The following CELF1 variants were observed in gnomAD, a reference collection of about 807,000 sequenced individuals.
The protein encoded by CELF1 is 50 kDa nuclear polyadenylated RNA-binding protein.
CELF1 carries 10 observed loss-of-function variants against 61.8 expected under a neutral mutation model. The ratio of observed to expected loss-of-function variants is 0.16; its 90% CI spans 0.10 to 0.27. CELF1 has a LOEUF of 0.27. CELF1 is among the 10% of genes least tolerant of loss of function. The pLI is 1.00. For synonymous variants in CELF1, 236 were observed against 225.1 expected (o/e 1.05, Z -0.43); for missense variants, 380 against 639.1 (o/e 0.59, Z 4.37).
chr11:47,487,148 A>G lies in CELF1; in HGVS notation c.342+11T>C. 2 of 1,597,816 alleles carry G rather than the reference A, an allele frequency of 1.3e-6. No individual in the cohort carries two copies. The highest frequency in any genetic ancestry group is 1.7e-6 in the Non-Finnish European group (2 of 1,168,824). ...TACCACATTTCCATTTACTAGTGGGAGCTTTCTTACCCCTGGGAGGACTTT... is the reference window on the plus strand; with the variant it reads ...TACCACATTTCCATTTACTAGTGGGGGCTTTCTTACCCCTGGGAGGACTTT... On this transcript the variant is annotated intron_variant, in intron 5 of 14. Transcript: ENST00000687097.
chr11:47,479,542 C>A (rs1437429841), intron 9 of CELF1, among the ~76,000 whole-genome samples: 4 of 152,234 alleles, frequency 2.6e-5, no homozygotes, highest in African/African-American at 4.8e-5. Flanking sequence ...CCCCTCCAAA[C>A]TGGTCTTCCC....
chr11:47,520,919 C>CA (rs1266954382), intron 1 of CELF1, among the ~76,000 whole-genome samples: 1 of 152,150 alleles, frequency 6.6e-6, no homozygotes, highest in Non-Finnish European at 1.5e-5. Context: ...AGATGTTTCA[C>CA]AAACTTGTTA....
rs2153342177 is a variant in CELF1 at position 47,469,498 on chromosome 11, T to C, written c.*2732A>G. On this transcript the variant is annotated 3_prime_UTR_variant, in exon 15 of 15. Transcript: ENST00000687097. ...GAAACCTTCACACAACAGAAAAGGA[T>C]TGCTTAAGACTTGACAGCGAGTCTC... 6.6e-6 allele frequency: 1 copy of C among 152,362 alleles called. No individual in the cohort carries two copies. The highest frequency in any genetic ancestry group is 2.1e-4 in the South Asian group (1 of 4,832). 9.4% of individuals were successfully genotyped at this position (152,362 alleles called of 1,614,324 possible).
intron 1 of CELF1, among the ~76,000 whole-genome samples, chr11:47,565,077 G>A (rs2097240569): frequency 6.6e-6 from 1 of 152,082 alleles, no homozygotes; most frequent in South Asian, 2.1e-4. Context: ...CTGTTTGAAA[G>A]CTCTAAGCCC....
In CELF1 at chr11:47,505,148, T is replaced by C. The variant is rs565792361; in HGVS notation, c.-153-4216A>G. 4.6e-5 allele frequency among the ~76,000 whole-genome samples: 7 copies of C among 151,328 alleles called. No homozygotes were observed. In the South Asian group the frequency reaches 6.3e-4, roughly 14 times the overall value. ...ACTACTGCTGTGTACTCAGCAATAG[T>C]ATAGCCTCAGAGCCTTCCTTGGAGT... On this transcript the variant is annotated intron_variant, in intron 1 of 14. Transcript: ENST00000687097.
chr11:47,492,541 C>A (rs1051181367), intron 3 of CELF1, among the ~76,000 whole-genome samples: 9 of 152,058 alleles, frequency 5.9e-5, no homozygotes, highest in Admixed American at 5.9e-4. Context: ...ACCACCCTGG[C>A]CAACATGGTA....
chr11:47,496,060 A>G (rs549702268), intron 3 of CELF1: 2 of 936,152 alleles, frequency 2.1e-6, no homozygotes, highest in African/African-American at 3.5e-5. Context: ...AAACTGGAAC[A>G]GAAGTGCGTG....
intron 1 of CELF1, among the ~76,000 whole-genome samples, chr11:47,549,475 A>G (rs142149671): frequency 5.3e-5 from 8 of 152,328 alleles, no homozygotes; most frequent in Non-Finnish European, 7.4e-5. Flanking sequence ...TATATACACA[A>G]TGGAGTATTA....
chr11:47,482,643 G>A (rs1227388386), intron 9 of CELF1, 52 bp downstream of exon 9: 1 of 1,547,720 alleles, frequency 6.5e-7, no homozygotes, highest in South Asian at 1.2e-5. Context: ...AGCAGAAGAA[G>A]GAACAGCTGG....
intron 2 of CELF1, among the ~76,000 whole-genome samples, chr11:47,562,226 CAAAAA>C (rs745795043): frequency 0.012 from 943 of 81,660 alleles, 18 homozygotes; most frequent in African/African-American, 0.04. Context: ...AACTCCATCT[CAAAAA>C]AAAAAAAAAA....
At chr11:47,554,285 T>A (rs2097196496), upstream of CELF1, among the ~76,000 whole-genome samples, 2 of 152,188 alleles carry the variant, frequency 1.3e-5, no homozygotes, top group South Asian at 2.1e-4. Flanking sequence ...TTTATATACA[T>A]TCATAATGCT....
chr11:47,548,668 C>T (rs902099496), intron 1 of CELF1, among the ~76,000 whole-genome samples: 2 of 151,896 alleles, frequency 1.3e-5, no homozygotes, highest in African/African-American at 4.8e-5. Flanking sequence ...GAGTTCGAGA[C>T]CAGCCTGGCC....
At chr11:47,476,808 AAAG>A (rs2080425990) in intron 12 of CELF1, 35 bp downstream of exon 12, 1 of 1,501,300 alleles carries the variant, frequency 6.7e-7, no homozygotes, top group African/African-American at 1.4e-5. Flanking sequence ...CTACCTGCAC[AAAG>A]AATAGTCTGA....
intron 1 of CELF1, among the ~76,000 whole-genome samples, chr11:47,540,507 T>TA (rs1384119017): frequency 6.6e-6 from 1 of 152,282 alleles, no homozygotes; most frequent in African/African-American, 2.4e-5. Context: ...GTCAAACAGT[T>TA]ATGCATTTTC....
chr11:47,487,156 T>C lies in CELF1; in HGVS notation c.342+3A>G, dbSNP rs780847013. The C allele has an allele frequency of 3.7e-6, 6 of 1,608,094 alleles. No individual in the cohort carries two copies. The South Asian group carries it at 5.5e-5, about 15-fold the overall frequency. On this transcript the variant is annotated splice_donor_region_variant and intron_variant, in intron 5 of 14. Transcript: ENST00000687097. Reference sequence around the variant, plus strand: ...TTCCATTTACTAGTGGGAGCTTTCTTACCCCTGGGAGGACTTTCATGTTGT... The same window carrying C: ...TTCCATTTACTAGTGGGAGCTTTCTCACCCCTGGGAGGACTTTCATGTTGT...
At chr11:47,521,753 GT>G (rs2095905621) in intron 1 of CELF1, among the ~76,000 whole-genome samples, 1 of 152,178 alleles carries the variant, frequency 6.6e-6, no homozygotes, top group African/African-American at 2.4e-5. Context: ...ATTTCAGCCT[GT>G]TACATGATGA....
chr11:47,552,123 C>T (rs527709705), intron 1 of CELF1, among the ~76,000 whole-genome samples: 1 of 152,112 alleles, frequency 6.6e-6, no homozygotes, highest in Non-Finnish European at 1.5e-5. Flanking sequence ...GTTATACAGC[C>T]TTTTTACTCG....
chr11:47,489,484 G>C (rs1456379795), intron 3 of CELF1, among the ~76,000 whole-genome samples: 1 of 152,194 alleles, frequency 6.6e-6, no homozygotes, highest in Non-Finnish European at 1.5e-5. Flanking sequence ...TTTCCTTTCA[G>C]TAGAAGTTAG....
At chr11:47,503,492 C>T (rs2094171059) in intron 1 of CELF1, among the ~76,000 whole-genome samples, 1 of 152,096 alleles carries the variant, frequency 6.6e-6, no homozygotes, top group Non-Finnish European at 1.5e-5. Flanking sequence ...GAAGCTACTA[C>T]TGAAAAGGGA....
Sources: gnomAD v4.1 joint callset for allele counts (sites outside exome capture counted in the v4.1 genomes callset) on GRCh38, gnomAD v4.1.1 for gene constraint, MANE v1.5 for transcripts, NCBI Gene and HGNC (gene_info 2026-07-23, HGNC 2026-07-21) for gene names.